Variants in ATXN7L1 observed in about 807,000 individuals in gnomAD.
ATXN7L1 encodes the protein ataxin-7-like protein 1.
ATXN7L1 carries 15 observed loss-of-function variants against 70.8 expected under a neutral mutation model. That is an observed-to-expected ratio of 0.21 (90% CI 0.14 to 0.33). ATXN7L1 has a LOEUF of 0.33. Ranked by LOEUF, ATXN7L1 falls within the 10% of genes least tolerant of loss-of-function variation. The pLI is 1.00. For missense variants in ATXN7L1, 975 were observed against 1,097.1 expected (o/e 0.89, Z 1.57); for synonymous variants, 440 against 445.1 (o/e 0.99, Z 0.14).
At chr7:105,738,843 T>G (rs1488925828) in intron 3 of ATXN7L1, among the ~76,000 whole-genome samples, 1 of 152,236 alleles carries the variant, frequency 6.6e-6, no homozygotes, top group African/African-American at 2.4e-5. Context: ...GGATGTGCCA[T>G]AACTATTTGC....
chr7:105,608,303 T>C (rs906215682), intron 11 of ATXN7L1, among the ~76,000 whole-genome samples: 1 of 152,234 alleles, frequency 6.6e-6, no homozygotes, highest in Admixed American at 6.5e-5. Flanking sequence ...ACAGAGGCTC[T>C]GGAGAGAGAG....
At chr7:105,613,638 T>C (rs57819574) in intron 10 of ATXN7L1, 430,191 of 1,411,344 alleles carry the variant, frequency 0.3, 66,410 homozygotes, top group Admixed American at 0.35. Context: ...AGTGAGGTAA[T>C]AACCGTAAAG....
chr7:105,862,816 T>C (rs762429870), intron 2 of ATXN7L1, among the ~76,000 whole-genome samples: 2 of 152,132 alleles, frequency 1.3e-5, no homozygotes, highest in African/African-American at 2.4e-5. Context: ...AAATCCAAAG[T>C]CACGGGAAGT....
intron 2 of ATXN7L1, among the ~76,000 whole-genome samples, chr7:105,862,383 G>A (rs1052331620): frequency 6.6e-6 from 1 of 152,134 alleles, no homozygotes; most frequent in Non-Finnish European, 1.5e-5. Context: ...AGGCTGCAGT[G>A]AACTATGATT....
intron 4 of ATXN7L1, among the ~76,000 whole-genome samples, chr7:105,652,835 C>A (rs1327261636): frequency 6.6e-6 from 1 of 152,258 alleles, no homozygotes; most frequent in Non-Finnish European, 1.5e-5. Context: ...AGTGCTCCAG[C>A]TTCTGGCCAG....
intron 3 of ATXN7L1, among the ~76,000 whole-genome samples, chr7:105,733,596 A>T (rs1321002600): frequency 3.9e-5 from 5 of 128,252 alleles, no homozygotes; most frequent in African/African-American, 1.5e-4. Context: ...CCATCCATCC[A>T]TCCATCCACC....
At chr7:105,710,812 G>A (rs1264283637) in intron 3 of ATXN7L1, among the ~76,000 whole-genome samples, 1 of 152,140 alleles carries the variant, frequency 6.6e-6, no homozygotes, top group African/African-American at 2.4e-5. Context: ...CAAGAACAGT[G>A]TATTAGTCCA....
At chr7:105,753,324 C>T (rs1339326158) in intron 3 of ATXN7L1, among the ~76,000 whole-genome samples, 1 of 152,210 alleles carries the variant, frequency 6.6e-6, no homozygotes, top group Non-Finnish European at 1.5e-5. Flanking sequence ...AGCCCTACCT[C>T]CTGCACAGGA....
chr7:105,773,770 C>T (rs1190997119), intron 3 of ATXN7L1, among the ~76,000 whole-genome samples: 1 of 152,098 alleles, frequency 6.6e-6, no homozygotes, highest in African/African-American at 2.4e-5. Context: ...AAAGAAACCC[C>T]CTAACAACTT....
At chr7:105,769,595 C>T (rs1005555807) in intron 3 of ATXN7L1, among the ~76,000 whole-genome samples, 2 of 151,956 alleles carry the variant, frequency 1.3e-5, no homozygotes, top group African/African-American at 2.4e-5. Flanking sequence ...GTAGGGTGAC[C>T]GGCTGACTCA....
At chr7:105,619,140 G>GTTTTTT (rs1191774371) in intron 9 of ATXN7L1, among the ~76,000 whole-genome samples, 18,050 of 49,084 alleles carry the variant, frequency 0.37, 7,355 homozygotes, top group Non-Finnish European at 0.44. Flanking sequence ...GAAATCTTTA[G>GTTTTTT]TTTTTTTTTT....
intron 7 of ATXN7L1, among the ~76,000 whole-genome samples, chr7:105,632,195 C>T (rs1200411223): frequency 3.9e-5 from 6 of 152,002 alleles, no homozygotes; most frequent in Non-Finnish European, 8.8e-5. Flanking sequence ...AAGACATGAA[C>T]AGAGGAAGGA....
chr7:105,655,685 C>T (rs545679321), intron 4 of ATXN7L1, among the ~76,000 whole-genome samples: 5 of 152,310 alleles, frequency 3.3e-5, no homozygotes, highest in East Asian at 1.9e-4. Context: ...AGAGATAAGC[C>T]GCCCAGTTTC....
At chr7:105,615,673 G>A (rs1217908937) in intron 9 of ATXN7L1, among the ~76,000 whole-genome samples, 3 of 152,146 alleles carry the variant, frequency 2.0e-5, no homozygotes, top group African/African-American at 7.2e-5. Context: ...GTGAGTGTGG[G>A]GACCCTCATA....
chr7:105,652,569 AG>A (rs1295375603), intron 4 of ATXN7L1, among the ~76,000 whole-genome samples: 1 of 152,154 alleles, frequency 6.6e-6, no homozygotes, highest in East Asian at 1.9e-4. Flanking sequence ...TTCGAGCTGT[AG>A]GCTGCTCTGC....
At chr7:105,661,876 A>G (rs1269065877) in intron 4 of ATXN7L1, among the ~76,000 whole-genome samples, 2 of 152,176 alleles carry the variant, frequency 1.3e-5, no homozygotes, top group Non-Finnish European at 2.9e-5. Flanking sequence ...ACTTGCAGGC[A>G]TGGCAAATTG....
chr7:105,610,501 T>TG, intron 11 of ATXN7L1, 28 bp downstream of exon 11: 11 of 1,526,730 alleles, frequency 7.2e-6, no homozygotes, highest in African/African-American at 1.4e-5. Flanking sequence ...TATGAATTTT[T>TG]GCCCCACCCC....
At chr7:105,652,890 C>T (rs1800063986) in intron 4 of ATXN7L1, among the ~76,000 whole-genome samples, 1 of 152,232 alleles carries the variant, frequency 6.6e-6, no homozygotes, top group South Asian at 2.1e-4. Flanking sequence ...AGAGGAAAAG[C>T]CCTCAGGAGC....
chr7:105,609,518 T>C (rs1461920045), intron 11 of ATXN7L1, among the ~76,000 whole-genome samples: 1 of 151,522 alleles, frequency 6.6e-6, no homozygotes, highest in Non-Finnish European at 1.5e-5. Flanking sequence ...CAGGCTGGAG[T>C]GCAAGGTGCA....
Sources: gnomAD v4.1 joint callset for allele counts (sites outside exome capture counted in the v4.1 genomes callset) on GRCh38, gnomAD v4.1.1 for gene constraint, MANE v1.5 for transcripts, NCBI Gene and HGNC (gene_info 2026-07-23, HGNC 2026-07-21) for gene names.